KIAA1958: variants seen among roughly 807,000 people sequenced by gnomAD.
KIAA1958 encodes KIAA1958, also known as uncharacterized protein KIAA1958.
KIAA1958 carries 14 observed loss-of-function variants against 47.2 expected under a neutral mutation model. That is an observed-to-expected ratio of 0.30 (90% CI 0.20 to 0.46). The LOEUF is 0.46. Among genes scored for constraint, KIAA1958 ranks in the 20% least tolerant of loss-of-function variants. KIAA1958 has a pLI of 1.00. For synonymous variants in KIAA1958, 354 were observed against 353.3 expected (o/e 1.00, Z -0.02); for missense variants, 803 against 909.2 (o/e 0.88, Z 1.50).
At chr9:112,519,597 G>A (rs1587999111) in intron 1 of KIAA1958, among the ~76,000 whole-genome samples, 3 of 152,158 alleles carry the variant, frequency 2.0e-5, no homozygotes, top group Admixed American at 2.0e-4. Flanking sequence ...CTTCCTTAGT[G>A]CTTGGTACAT....
At chr9:112,585,835 A>T (rs1286584901) in intron 2 of KIAA1958, among the ~76,000 whole-genome samples, 1 of 152,232 alleles carries the variant, frequency 6.6e-6, no homozygotes, top group Non-Finnish European at 1.5e-5. Context: ...CAGGGCACAG[A>T]GATCTGCAGT....
chr9:112,669,007 G>A lies in KIAA1958; in HGVS notation c.*8938G>A, dbSNP rs1240440690. 1 of 152,166 alleles carries A rather than the reference G, an allele frequency of 6.6e-6. No homozygotes were observed. The highest frequency in any genetic ancestry group is 1.9e-4 in the East Asian group (1 of 5,204). 9.4% of individuals were successfully genotyped at this position (152,166 alleles called of 1,614,324 possible). On this transcript the variant is annotated 3_prime_UTR_variant, in exon 4 of 4. Transcript: ENST00000337530. ...TCTGTAATTTTGTTTTAATATAGAGGATACCCATAATTTCTTAACACTGGA... is the reference window on the plus strand; with the variant it reads ...TCTGTAATTTTGTTTTAATATAGAGAATACCCATAATTTCTTAACACTGGA...
At chr9:112,563,059 G>GTC (rs1428284159) in intron 1 of KIAA1958, among the ~76,000 whole-genome samples, 1 of 84,026 alleles carries the variant, frequency 1.2e-5, no homozygotes, top group African/African-American at 5.7e-5. Context: ...CTCTCTCTCT[G>GTC]TCTCTGTCTC....
rs1458144067 is a variant in KIAA1958, at chr9:112,662,684, T to A, written c.*2615T>A. 1 of 152,558 alleles carries A rather than the reference T, an allele frequency of 6.6e-6. No homozygotes were observed. Among genetic ancestry groups the A allele is most frequent in the East Asian group, 1.9e-4 (1 of 5,200 alleles). 9.5% of individuals were successfully genotyped at this position (152,558 alleles called of 1,614,324 possible). On this transcript the variant is annotated 3_prime_UTR_variant, in exon 4 of 4. Transcript: ENST00000337530. ...GCAGGTGCCTGTAATCCCAGCTACT[T>A]GAGAGTCTGAAGCAGGAGAATTGCT...
chr9:112,526,637 A>T (rs1378080483), intron 1 of KIAA1958, among the ~76,000 whole-genome samples: 1 of 152,164 alleles, frequency 6.6e-6, no homozygotes, highest in East Asian at 1.9e-4. Context: ...TCTGGTAAGG[A>T]CCTTCTTGCT....
At chr9:112,587,483 A>G (rs1166148398) in intron 2 of KIAA1958, among the ~76,000 whole-genome samples, 1 of 152,200 alleles carries the variant, frequency 6.6e-6, no homozygotes, top group African/African-American at 2.4e-5. Context: ...AAAAATGAAA[A>G]AAACATGCTT....
intron 2 of KIAA1958, among the ~76,000 whole-genome samples, chr9:112,591,093 T>A (rs532439563): frequency 6.6e-6 from 1 of 152,292 alleles, no homozygotes; most frequent in Admixed American, 6.5e-5. Flanking sequence ...TTAGCTTTTT[T>A]ATTTTTTCGA....
chr9:112,658,496 A>C (rs1256190085), intron 3 of KIAA1958, among the ~76,000 whole-genome samples: 1 of 152,214 alleles, frequency 6.6e-6, no homozygotes, highest in Non-Finnish European at 1.5e-5. Flanking sequence ...AAAGTTACAA[A>C]CAACCAATAA....
intron 1 of KIAA1958, among the ~76,000 whole-genome samples, chr9:112,557,651 G>A (rs967014196): frequency 6.6e-6 from 1 of 152,160 alleles, no homozygotes; most frequent in Non-Finnish European, 1.5e-5. Context: ...GATGAACCTA[G>A]TTTTAAGGTC....
chr9:112,604,504 T>TC (rs1373884169), intron 2 of KIAA1958, among the ~76,000 whole-genome samples: 1 of 152,216 alleles, frequency 6.6e-6, no homozygotes, highest in Non-Finnish European at 1.5e-5. Flanking sequence ...ATACAACCTT[T>TC]CATTCAAAGA....
intron 1 of KIAA1958, among the ~76,000 whole-genome samples, chr9:112,517,804 C>G (rs1173136888): frequency 6.6e-6 from 1 of 152,164 alleles, no homozygotes; most frequent in Non-Finnish European, 1.5e-5. Flanking sequence ...AGAAGATATA[C>G]AGATGACAAG....
At chr9:112,620,853 C>A (rs900412210) in intron 2 of KIAA1958, among the ~76,000 whole-genome samples, 1 of 151,936 alleles carries the variant, frequency 6.6e-6, no homozygotes, top group Non-Finnish European at 1.5e-5. Flanking sequence ...AATACGTACT[C>A]GTAAGTCTTC....
chr9:112,508,909 A>G (rs1475638213), intron 1 of KIAA1958, among the ~76,000 whole-genome samples: 3 of 152,196 alleles, frequency 2.0e-5, no homozygotes, highest in Non-Finnish European at 4.4e-5. Context: ...ATTCACTAAT[A>G]TAGTACTTTT....
At chr9:112,606,606 T>G (rs1836240137) in intron 2 of KIAA1958, among the ~76,000 whole-genome samples, 2 of 152,210 alleles carry the variant, frequency 1.3e-5, no homozygotes, top group South Asian at 4.1e-4. Flanking sequence ...TATCTTCTTT[T>G]ATGTTGAGAA....
chr9:112,540,392 A>G (rs1395207695), intron 1 of KIAA1958, among the ~76,000 whole-genome samples: 1 of 152,216 alleles, frequency 6.6e-6, no homozygotes, highest in Non-Finnish European at 1.5e-5. Flanking sequence ...ATGCACACAT[A>G]TAGATGGATA....
At chr9:112,492,244 T>C (rs895630386) in intron 1 of KIAA1958, among the ~76,000 whole-genome samples, 3 of 152,208 alleles carry the variant, frequency 2.0e-5, no homozygotes, top group African/African-American at 7.2e-5. Context: ...GTTAGGTTCT[T>C]CTAAGGCCCC....
At chr9:112,649,665 A>C (rs1250569622) in intron 3 of KIAA1958, among the ~76,000 whole-genome samples, 1 of 152,196 alleles carries the variant, frequency 6.6e-6, no homozygotes, top group South Asian at 2.1e-4. Flanking sequence ...TTGACAACAG[A>C]TTTCTCATTA....
At chr9:112,531,800 T>C (rs981354862) in intron 1 of KIAA1958, among the ~76,000 whole-genome samples, 1 of 152,264 alleles carries the variant, frequency 6.6e-6, no homozygotes, top group African/African-American at 2.4e-5. Context: ...ATCAGTTGGA[T>C]TTTCACTTTA....
At chr9:112,649,379 A>G (rs1286056469) in intron 3 of KIAA1958, among the ~76,000 whole-genome samples, 2 of 151,742 alleles carry the variant, frequency 1.3e-5, no homozygotes, top group Admixed American at 6.6e-5. Flanking sequence ...ACTAATCTCA[A>G]ACTCCTGGGC....
Sources: gnomAD v4.1 joint callset for allele counts (sites outside exome capture counted in the v4.1 genomes callset) on GRCh38, gnomAD v4.1.1 for gene constraint, MANE v1.5 for transcripts, NCBI Gene and HGNC (gene_info 2026-07-23, HGNC 2026-07-21) for gene names.